The following FCGR2A variants were observed in gnomAD, a reference collection of about 807,000 sequenced individuals.
FCGR2A encodes Fc gamma receptor IIa.
Under a neutral mutation model 29.3 loss-of-function variants are expected in FCGR2A, and 18 were observed. The observed-to-expected ratio is 0.62, with a 90% CI of 0.43 to 0.91. The LOEUF (loss-of-function observed/expected upper bound fraction) is 0.91, where lower values mean the gene tolerates loss of function less well. FCGR2A is among the 40% of genes least tolerant of loss of function. The probability of loss-of-function intolerance (pLI) is 0.00; values close to 1 mark genes in which losing one functional copy is unlikely to be tolerated. For synonymous variants in FCGR2A, 126 were observed against 144.8 expected (o/e 0.87, Z 0.93); for missense variants, 287 against 393.0 (o/e 0.73, Z 2.28).
rs963507584 is a variant in FCGR2A at position 161,519,319 on chromosome 1, A to C, written c.*1171A>C. The stretch of plus-strand genomic sequence containing the variant: ...CTTGACATCAAGAATCTTCTGTTCC[A>C]CATCCACACAGCCAATACAATTAGT... On this transcript the variant is annotated 3_prime_UTR_variant, in exon 7 of 7. Transcript: ENST00000271450. 6.6e-6 allele frequency: 1 copy of C among 152,656 alleles called. No homozygotes were observed. Among genetic ancestry groups the C allele is most frequent in the African/African-American group, 2.4e-5 (1 of 41,436 alleles). The allele number at this position is 152,656 out of a possible 1,614,324, so 9.5% of individuals were successfully genotyped here.
intron 3 of FCGR2A, among the ~76,000 whole-genome samples, chr1:161,508,255 C>A (rs1675548299): frequency 1.3e-5 from 2 of 151,902 alleles, no homozygotes; most frequent in Admixed American, 1.3e-4. Flanking sequence ...CTGTTTTATG[C>A]CATCTCAGTA....
At chr1:161,521,829 T>C (rs1676462227), downstream of FCGR2A, among the ~76,000 whole-genome samples, 1 of 152,128 alleles carries the variant, frequency 6.6e-6, no homozygotes, top group Non-Finnish European at 1.5e-5. Flanking sequence ...AACCTCTTTC[T>C]TTTGTAAATT....
downstream of FCGR2A, chr1:161,523,562 C>T (rs1369912586): frequency 2.4e-4 from 37 of 152,046 alleles, no homozygotes; most frequent in Admixed American, 2.4e-3. Context: ...GGAGACGAGG[C>T]TCCTCGGGGA....
At chr1:161,506,774 G>A (rs1675441045) in intron 3 of FCGR2A, 183 bp downstream of exon 3, 40 of 1,202,762 alleles carry the variant, frequency 3.3e-5, no homozygotes, top group Non-Finnish European at 4.2e-5. Flanking sequence ...GGGGGAAGGG[G>A]GAATTTCTAA....
At chr1:161,510,314 C>T (rs1675686337) in intron 4 of FCGR2A, 1 of 746,882 alleles carries the variant, frequency 1.3e-6, no homozygotes, top group Non-Finnish European at 2.2e-6. Flanking sequence ...AATGTAGGCC[C>T]CAGACTAAAG....
intron 4 of FCGR2A, among the ~76,000 whole-genome samples, chr1:161,510,544 G>T (rs969151589): frequency 1.2e-4 from 19 of 152,194 alleles, no homozygotes; most frequent in African/African-American, 4.6e-4. Flanking sequence ...CTGTCCCCAG[G>T]GGCTAAGGGG....
Position 161,505,569 on chromosome 1 carries a change from C to T in FCGR2A, c.85+17C>T. The T allele has an allele frequency of 1.9e-6, 3 of 1,604,822 alleles. No homozygotes were observed. Among genetic ancestry groups the T allele is most frequent in the Non-Finnish European group, 2.6e-6 (3 of 1,171,552 alleles). ...TGCTGCTGGGTGAGTGAGGGTCATTCTGAAATGGGGCAATTTCAGACACTC... is the reference window on the plus strand; with the variant it reads ...TGCTGCTGGGTGAGTGAGGGTCATTTTGAAATGGGGCAATTTCAGACACTC... On this transcript the variant is annotated intron_variant, in intron 1 of 6. Coordinates refer to ENST00000271450, the MANE Select transcript of FCGR2A (RefSeq NM_001136219.3).
chr1:161,518,215 G>C lies in FCGR2A; in HGVS notation c.*67G>C. On this transcript the variant is annotated 3_prime_UTR_variant, in exon 7 of 7. Coordinates refer to ENST00000271450, the MANE Select transcript of FCGR2A (RefSeq NM_001136219.3). ...AGTGGATGACAAAAAGAGGGGAATT[G>C]TTAAAGGAAAATTTAAATGGAGACT... The C allele has an allele frequency of 1.3e-6, 2 of 1,567,834 alleles. No individual in the cohort carries two copies. The highest frequency in any genetic ancestry group is 1.7e-6 in the Non-Finnish European group (2 of 1,160,088).
chr1:161,519,252 T>C lies in FCGR2A; in HGVS notation c.*1104T>C, dbSNP rs1676339612. On this transcript the variant is annotated 3_prime_UTR_variant, in exon 7 of 7. Transcript: ENST00000271450. ...CCTGTCCTGAAAGCCACAGACAATA[T>C]GGTCCCAAATGACTGACTGCACCTT... 1 of 152,840 alleles carries C rather than the reference T, an allele frequency of 6.5e-6. No individual in the cohort carries two copies. Among genetic ancestry groups the C allele is most frequent in the African/African-American group, 2.4e-5 (1 of 41,424 alleles). The allele number at this position is 152,840 out of a possible 1,614,324, so 9.5% of individuals were successfully genotyped here.
chr1:161,516,761 T>C (rs1676174339), intron 6 of FCGR2A, among the ~76,000 whole-genome samples: 1 of 146,934 alleles, frequency 6.8e-6, no homozygotes, highest in Non-Finnish European at 1.5e-5. Flanking sequence ...TCATTTTCTT[T>C]GAAGTTTTAT....
rs774178884 is a variant in FCGR2A, at chr1:161,506,461, T to C, written c.234T>C (p.Asn78=). The C allele has an allele frequency of 5.6e-6, 9 of 1,614,208 alleles. No homozygotes were observed. In the South Asian group the frequency reaches 9.9e-5, roughly 18 times the overall value. ...PESDSIQWFH[N]GNLIPTHTQP... ...GCGACTCCATTCAGTGGTTCCACAA[T>C]GGGAATCTCATTCCCACCCACACGC... The change falls in exon 3 of 7, where the codon AAT becomes AAC. Residue 78 remains asparagine (N), a synonymous_variant. Transcript: ENST00000271450.
chr1:161,521,759 A>G (rs975628244), downstream of FCGR2A, among the ~76,000 whole-genome samples: 3 of 151,992 alleles, frequency 2.0e-5, no homozygotes, highest in African/African-American at 2.4e-5. Context: ...GTGAGACATG[A>G]CTTTCACCTT....
Position 161,510,969 on chromosome 1 carries a change from T to C in FCGR2A, c.742+13T>C. The C allele has an allele frequency of 1.9e-6, 3 of 1,614,122 alleles. No homozygotes were observed. Among genetic ancestry groups the C allele is most frequent in the Non-Finnish European group, 2.5e-6 (3 of 1,179,962 alleles). Reference sequence around the variant, plus strand: ...AAGCGGATTTCAGGTTTGTAGCTCCTCCCAGTCCCTTTTGTTATCAGTTTC... The same window carrying C: ...AAGCGGATTTCAGGTTTGTAGCTCCCCCCAGTCCCTTTTGTTATCAGTTTC... On this transcript the variant is annotated intron_variant, in intron 5 of 6. Transcript: ENST00000271450.
chr1:161,509,727 C>A, intron 3 of FCGR2A, 93 bp from the exon 4 acceptor site: 1 of 1,493,126 alleles, frequency 6.7e-7, no homozygotes, highest in Non-Finnish European at 9.2e-7. Context: ...TGCCAGACAT[C>A]ATGTCAAGTT....
intron 1 of FCGR2A, 109 bp from the exon 2 acceptor site, chr1:161,505,878 C>G (rs1311022655): frequency 1.5e-5 from 15 of 1,032,208 alleles, no homozygotes; most frequent in Non-Finnish European, 2.0e-5. Flanking sequence ...TGAGATGGGT[C>G]CTGGAGAAGG....
chr1:161,510,278 G>A lies in FCGR2A; in HGVS notation c.619+204G>A. 8 of 888,930 alleles carry A rather than the reference G, an allele frequency of 9.0e-6. No homozygotes were observed. In the South Asian group the frequency reaches 1.2e-4, roughly 13 times the overall value. The allele number at this position is 888,930 out of a possible 1,614,324, so 55.1% of individuals were successfully genotyped here. On this transcript the variant is annotated intron_variant, in intron 4 of 6. Coordinates refer to ENST00000271450, the MANE Select transcript of FCGR2A (RefSeq NM_001136219.3). Reference sequence around the variant, plus strand: ...GGAGCCCTCACGTCCCAGGTAATAGGTAGTCAGGCTGTTGTTTCACTTTGA... The same window carrying A: ...GGAGCCCTCACGTCCCAGGTAATAGATAGTCAGGCTGTTGTTTCACTTTGA...
rs529821848 is a variant in FCGR2A at position 161,509,524 on chromosome 1, C to T, written c.365-296C>T. On this transcript the variant is annotated intron_variant, in intron 3 of 6. Coordinates refer to ENST00000271450, the MANE Select transcript of FCGR2A (RefSeq NM_001136219.3). Reference sequence around the variant, plus strand: ...GGCTTCAGGCCCTGTCGAGTAGCCTCTACAGTTACTGAAATGCGCTCATTT... The same window carrying T: ...GGCTTCAGGCCCTGTCGAGTAGCCTTTACAGTTACTGAAATGCGCTCATTT... Among the ~76,000 whole-genome samples the T allele has an allele frequency of 2.6e-5, 4 of 152,290 alleles. No individual in the cohort carries two copies. In the South Asian group the frequency reaches 8.3e-4, roughly 32 times the overall value.
chr1:161,506,205 G>C, intron 2 of FCGR2A, 129 bp from the exon 3 acceptor site: 3 of 1,371,586 alleles, frequency 2.2e-6, no homozygotes, highest in Non-Finnish European at 3.1e-6. Flanking sequence ...TGAGGCCGCT[G>C]CAAGTACAGA....
At chr1:161,514,698 T>C (rs384922) in intron 6 of FCGR2A, 2 of 147,306 alleles carry the variant, frequency 1.4e-5, no homozygotes, top group African/African-American at 5.0e-5. Context: ...CAGTTAATCT[T>C]GGTATTTGAC....
Sources: allele counts gnomAD v4.1 joint callset (sites outside exome capture counted in the v4.1 genomes callset), GRCh38; gene constraint gnomAD v4.1.1; transcripts MANE v1.5; gene names NCBI Gene and HGNC (gene_info 2026-07-23, HGNC 2026-07-21).